The following KIN variants were observed in gnomAD, a reference collection of about 807,000 sequenced individuals.
KIN encodes DNA/RNA-binding protein KIN17.
In KIN, 47 loss-of-function variants were observed where a neutral mutation model predicts 63.0. The ratio of observed to expected loss-of-function variants is 0.75; its 90% CI spans 0.59 to 0.95. KIN has a LOEUF of 0.95. Ranked by LOEUF, KIN falls within the 40% of genes least tolerant of loss-of-function variation. The pLI, the probability that KIN is intolerant of heterozygous loss-of-function variation, is 0.00. For synonymous variants in KIN, 160 were observed against 157.7 expected (o/e 1.01, Z -0.11); for missense variants, 408 against 460.9 (o/e 0.89, Z 1.05).
At chr10:7,781,750 C>CAAA (rs34969604) in intron 2 of KIN, among the ~76,000 whole-genome samples, 11,108 of 67,812 alleles carry the variant, frequency 0.16, 1,001 homozygotes, top group East Asian at 0.25. Context: ...AAGACCCTGT[C>CAAA]AAAAAAAAAA....
intron 9 of KIN, 71 bp downstream of exon 9, chr10:7,765,982 T>C: frequency 9.2e-7 from 1 of 1,092,500 alleles, no homozygotes; most frequent in South Asian, 1.4e-5. Context: ...TAGTTACTTA[T>C]ACCAAATGCT....
intron 1 of KIN, among the ~76,000 whole-genome samples, chr10:7,785,532 C>T (rs1177005376): frequency 1.3e-5 from 2 of 152,108 alleles, no homozygotes; most frequent in African/African-American, 4.8e-5. Flanking sequence ...GTGGTTCACA[C>T]CTGTAATCCC....
chr10:7,765,964 G>T, intron 9 of KIN, 89 bp downstream of exon 9: 1 of 888,984 alleles, frequency 1.1e-6, no homozygotes, highest in Non-Finnish European at 1.8e-6. Context: ...ATACGTGTTT[G>T]AAAAGTTTAG....
At chr10:7,761,717 T>C (rs768881621) in intron 11 of KIN, among the ~76,000 whole-genome samples, 23 of 152,138 alleles carry the variant, frequency 1.5e-4, no homozygotes, top group Non-Finnish European at 2.5e-4. Context: ...AAAACATAAA[T>C]GAGGATGAGT....
intron 1 of KIN, among the ~76,000 whole-genome samples, chr10:7,783,984 T>C (rs1811703376): frequency 3.3e-5 from 5 of 152,228 alleles, no homozygotes. Flanking sequence ...TCCTAATCTT[T>C]AGATCATGGA....
intron 1 of KIN, among the ~76,000 whole-genome samples, chr10:7,787,339 T>C (rs1836040721): frequency 6.6e-6 from 1 of 152,238 alleles, no homozygotes; most frequent in Non-Finnish European, 1.5e-5. Context: ...TATTATTCTG[T>C]GCCCGGTACA....
chr10:7,769,187 G>A (rs1835614285), intron 8 of KIN, 29 bp downstream of exon 8: 3 of 1,579,292 alleles, frequency 1.9e-6, no homozygotes, highest in Non-Finnish European at 2.6e-6. Flanking sequence ...TGGGTTCTAA[G>A]GTGTCCACAC....
At chr10:7,779,124 C>T (rs1271920067) in intron 4 of KIN, 105 bp from the exon 5 acceptor site, 4 of 1,331,036 alleles carry the variant, frequency 3.0e-6, no homozygotes, top group East Asian at 2.3e-5. Flanking sequence ...ACACACAAAT[C>T]AGGCCGAGCG....
chr10:7,771,609 T>A (rs1042559392), intron 7 of KIN, among the ~76,000 whole-genome samples: 1 of 152,132 alleles, frequency 6.6e-6, no homozygotes, highest in African/African-American at 2.4e-5. Context: ...AAAACTCAAC[T>A]GGGCCGGGCG....
In KIN at chr10:7,780,191, T is replaced by G; in HGVS notation, c.254-13A>C. 1 of 1,612,716 alleles carries G rather than the reference T, an allele frequency of 6.2e-7. No homozygotes were observed. Among genetic ancestry groups the G allele is most frequent in the Non-Finnish European group, 8.5e-7 (1 of 1,179,270 alleles). On this transcript the variant is annotated splice_polypyrimidine_tract_variant and intron_variant, in intron 3 of 12. Transcript: ENST00000379562. ...ACCCTTTTAGTGCCTGAGAACAAAA[T>G]ATGACACTGATGATCATCAGAAGAT...
intron 5 of KIN, among the ~76,000 whole-genome samples, chr10:7,776,186 T>C (rs890987480): frequency 8.2e-5 from 12 of 147,182 alleles, no homozygotes; most frequent in Non-Finnish European, 1.6e-4. Context: ...GCCAAGATCA[T>C]GCCACTGCAC....
Position 7,755,338 on chromosome 10 carries a change from G to A in KIN, c.*742C>T, listed in dbSNP as rs1835313446. 6.6e-6 allele frequency: 1 copy of A among 152,206 alleles called. No homozygotes were observed. The highest frequency in any genetic ancestry group is 2.4e-5 in the African/African-American group (1 of 41,452). The allele number at this position is 152,206 out of a possible 1,614,324, so 9.4% of individuals were successfully genotyped here. A position where few individuals can be genotyped will look rare whatever the true frequency, so the allele number is the denominator to read the frequency against. The stretch of plus-strand genomic sequence containing the variant: ...AAAAACAAATGAAGCACGCCTACAT[G>A]CTACTGCATGGATAAACCTTGAAAA... On this transcript the variant is annotated 3_prime_UTR_variant, in exon 13 of 13. Coordinates refer to ENST00000379562, the MANE Select transcript of KIN (RefSeq NM_012311.4).
At chr10:7,779,103 T>C (rs958203528) in intron 4 of KIN, 84 bp from the exon 5 acceptor site, 1 of 1,500,040 alleles carries the variant, frequency 6.7e-7, no homozygotes, top group Non-Finnish European at 9.1e-7. Flanking sequence ...TGCATATTTA[T>C]TCATTCAAAC....
At chr10:7,762,643 T>C in intron 10 of KIN, 87 bp from the exon 11 acceptor site, 2 of 644,290 alleles carry the variant, frequency 3.1e-6, no homozygotes, top group Non-Finnish European at 5.3e-6. Context: ...TGAAGACAAA[T>C]AAAATATCAA....
chr10:7,771,421 A>C (rs113706755), intron 7 of KIN, among the ~76,000 whole-genome samples: 18 of 152,248 alleles, frequency 1.2e-4, no homozygotes, highest in African/African-American at 4.3e-4. Context: ...TCTCCACTTA[A>C]AAAAATATAT....
rs1835277463 is a variant in KIN at position 7,753,640 on chromosome 10, T to C, written c.*2440A>G. 1 of 155,560 alleles carries C rather than the reference T, an allele frequency of 6.4e-6. No individual in the cohort carries two copies. Among genetic ancestry groups the C allele is most frequent in the Admixed American group, 6.4e-5 (1 of 15,548 alleles). The allele number at this position is 155,560 out of a possible 1,614,324, so 9.6% of individuals were successfully genotyped here. A position where few individuals can be genotyped will look rare whatever the true frequency, so the allele number is the denominator to read the frequency against. ...TTGACAATTTATACATTAAAAACAT[T>C]GCAATTCAAGAACATTAACATTCTA... On this transcript the variant is annotated 3_prime_UTR_variant, in exon 13 of 13. Coordinates refer to ENST00000379562, the MANE Select transcript of KIN (RefSeq NM_012311.4).
rs1370078865 is a variant in KIN at position 7,753,968 on chromosome 10, C to T, written c.*2112G>A. 2 of 453,096 alleles carry T rather than the reference C, an allele frequency of 4.4e-6. No homozygotes were observed. Among genetic ancestry groups the T allele is most frequent in the African/African-American group, 4.0e-5 (2 of 50,022 alleles). 28.1% of individuals were successfully genotyped at this position (453,096 alleles called of 1,614,324 possible). ...GCACCATACCTGTGTCTGACGTCAG[C>T]TTATACCCATCCTCATGTTTGAAGT... On this transcript the variant is annotated 3_prime_UTR_variant, in exon 13 of 13. Transcript: ENST00000379562.
chr10:7,774,247 G>T (rs1230628697), intron 7 of KIN, among the ~76,000 whole-genome samples: 1 of 152,168 alleles, frequency 6.6e-6, no homozygotes, highest in Non-Finnish European at 1.5e-5. Context: ...GTGTTTCCTG[G>T]TGTATTTACA....
At chr10:7,763,205 G>C (rs1461813833) in intron 10 of KIN, among the ~76,000 whole-genome samples, 1 of 152,156 alleles carries the variant, frequency 6.6e-6, no homozygotes, top group Non-Finnish European at 1.5e-5. Flanking sequence ...GCAATGAGCT[G>C]AGATCGCACC....
Sources: allele counts gnomAD v4.1 joint callset (sites outside exome capture counted in the v4.1 genomes callset), GRCh38; gene constraint gnomAD v4.1.1; transcripts MANE v1.5; gene names NCBI Gene and HGNC (gene_info 2026-07-23, HGNC 2026-07-21).